The following SOX6 variants were observed in gnomAD, a reference collection of about 807,000 sequenced individuals.
SOX6 encodes transcription factor SOX-6.
In SOX6, 11 loss-of-function variants were observed where a neutral mutation model predicts 97.8. The observed-to-expected ratio is 0.11, with a 90% CI of 0.07 to 0.19. The LOEUF (loss-of-function observed/expected upper bound fraction) is 0.19, where lower values mean the gene tolerates loss of function less well. Ranked by LOEUF, SOX6 falls within the 10% of genes least tolerant of loss-of-function variation. The pLI, the probability that SOX6 is intolerant of heterozygous loss-of-function variation, is 1.00. For synonymous variants in SOX6, 360 were observed against 371.4 expected (o/e 0.97, Z 0.35); for missense variants, 810 against 1,039.5 (o/e 0.78, Z 3.04).
At chr11:16,061,178 T>C (rs1259366694) in intron 9 of SOX6, among the ~76,000 whole-genome samples, 1 of 151,416 alleles carries the variant, frequency 6.6e-6, no homozygotes, top group Non-Finnish European at 1.5e-5. Flanking sequence ...AGTAGTTTGC[T>C]AAAATTTTGA....
intron 4 of SOX6, among the ~76,000 whole-genome samples, chr11:16,611,673 GAACTCGTGTTTCAGCA>G (rs1848400495): frequency 6.6e-6 from 1 of 152,208 alleles, no homozygotes; most frequent in Non-Finnish European, 1.5e-5. Flanking sequence ...AAAGAGGTCG[GAACTCGTGTTTCAGCA>G]ACAAAAGCAA....
intron 12 of SOX6, among the ~76,000 whole-genome samples, chr11:16,021,230 A>G (rs941153523): frequency 2.0e-5 from 3 of 152,174 alleles, no homozygotes; most frequent in Admixed American, 1.3e-4. Flanking sequence ...ATTTCAAAAT[A>G]AAAGGTTTGT....
intron 4 of SOX6, among the ~76,000 whole-genome samples, chr11:16,571,646 G>A (rs565689326): frequency 6.6e-6 from 1 of 151,852 alleles, no homozygotes; most frequent in Non-Finnish European, 1.5e-5. Flanking sequence ...GGGGGGTTTT[G>A]TTATTGTGGT....
chr11:16,203,139 A>C (rs1851983805), intron 4 of SOX6, among the ~76,000 whole-genome samples: 1 of 152,270 alleles, frequency 6.6e-6, no homozygotes, highest in African/African-American at 2.4e-5. Context: ...AAAAATCCAA[A>C]GGCAAGTGAT....
chr11:16,656,945 T>A (rs1847724462), intron 3 of SOX6, among the ~76,000 whole-genome samples: 1 of 152,222 alleles, frequency 6.6e-6, no homozygotes, highest in African/African-American at 2.4e-5. Flanking sequence ...TTACAACTGA[T>A]GAACCAATAT....
intron 4 of SOX6, chr11:16,567,365 C>G (rs72859445): frequency 0.23 from 35,425 of 151,992 alleles, 4,856 homozygotes; most frequent in Non-Finnish European, 0.3. Context: ...AGTCCTTCAA[C>G]TGTTTCTTCT....
chr11:16,109,626 C>G (rs1028566934), intron 7 of SOX6, among the ~76,000 whole-genome samples: 1 of 152,198 alleles, frequency 6.6e-6, no homozygotes, highest in Non-Finnish European at 1.5e-5. Flanking sequence ...GATAAAAACA[C>G]TGCATAGATT....
intron 3 of SOX6, among the ~76,000 whole-genome samples, chr11:16,305,573 A>C (rs1486886474): frequency 6.6e-6 from 1 of 152,196 alleles, no homozygotes; most frequent in Non-Finnish European, 1.5e-5. Context: ...ATAAATGAAA[A>C]TTTATGTTAC....
intron 8 of SOX6, among the ~76,000 whole-genome samples, chr11:16,097,291 G>C (rs1320666424): frequency 2.0e-5 from 3 of 151,776 alleles, no homozygotes; most frequent in African/African-American, 7.3e-5. Context: ...GACATAAGTG[G>C]AGACACAGAT....
At chr11:16,398,151 A>G (rs1367444663) in intron 1 of SOX6, among the ~76,000 whole-genome samples, 2 of 151,596 alleles carry the variant, frequency 1.3e-5, no homozygotes, top group Admixed American at 6.6e-5. Flanking sequence ...TAACCACCCA[A>G]GTGATTCTTA....
intron 3 of SOX6, among the ~76,000 whole-genome samples, chr11:16,649,964 A>C (rs969972432): frequency 6.6e-6 from 1 of 152,238 alleles, no homozygotes; most frequent in Non-Finnish European, 1.5e-5. Flanking sequence ...AATGAAAACC[A>C]AAAGTGAGCA....
At chr11:16,486,593 G>A (rs1436882677) in intron 4 of SOX6, among the ~76,000 whole-genome samples, 1 of 152,138 alleles carries the variant, frequency 6.6e-6, no homozygotes, top group African/African-American at 2.4e-5. Context: ...GGGTGCGGTG[G>A]CTCACGCCTG....
chr11:16,599,283 G>A (rs531895444), intron 4 of SOX6, among the ~76,000 whole-genome samples: 4 of 152,120 alleles, frequency 2.6e-5, no homozygotes, highest in South Asian at 2.1e-4. Flanking sequence ...TAAAATGTTC[G>A]TAGAAAGAGA....
chr11:16,140,955 A>G (rs951340015), intron 6 of SOX6, among the ~76,000 whole-genome samples: 2 of 152,196 alleles, frequency 1.3e-5, no homozygotes, highest in African/African-American at 4.8e-5. Flanking sequence ...CAAGGCATGC[A>G]GACCACAAAT....
intron 3 of SOX6, among the ~76,000 whole-genome samples, chr11:16,639,523 G>A (rs913583240): frequency 9.9e-5 from 15 of 152,118 alleles, no homozygotes; most frequent in Non-Finnish European, 1.8e-4. Flanking sequence ...CCATTTTCAC[G>A]ATATTGATTC....
intron 1 of SOX6, among the ~76,000 whole-genome samples, chr11:16,366,271 C>T (rs1319298484): frequency 6.6e-6 from 1 of 152,124 alleles, no homozygotes; most frequent in Non-Finnish European, 1.5e-5. Flanking sequence ...AGTGTTTAAT[C>T]AGCTGCTGGT....
At chr11:16,032,902 T>C (rs1855417527) in intron 12 of SOX6, among the ~76,000 whole-genome samples, 1 of 152,176 alleles carries the variant, frequency 6.6e-6, no homozygotes, top group African/African-American at 2.4e-5. Flanking sequence ...AAGTCTCTCC[T>C]CTTCTACAGA....
At chr11:16,193,543 C>T (rs990819454) in intron 4 of SOX6, among the ~76,000 whole-genome samples, 14 of 152,092 alleles carry the variant, frequency 9.2e-5, no homozygotes, top group African/African-American at 2.9e-4. Flanking sequence ...TAAACTTAAT[C>T]GGACTTAATG....
intron 6 of SOX6, among the ~76,000 whole-genome samples, chr11:16,152,763 C>CT (rs5789940): frequency 4.8e-4 from 71 of 148,296 alleles, no homozygotes; most frequent in African/African-American, 6.4e-4. Context: ...ATTAGAATTA[C>CT]TTTTTTTTTT....
Sources: allele counts gnomAD v4.1 joint callset (sites outside exome capture counted in the v4.1 genomes callset), GRCh38; gene constraint gnomAD v4.1.1; transcripts MANE v1.5; gene names NCBI Gene and HGNC (gene_info 2026-07-23, HGNC 2026-07-21).